PRKCB: variants seen among roughly 807,000 people sequenced by gnomAD.
PRKCB encodes protein kinase C beta.
PRKCB carries 13 observed loss-of-function variants against 81.5 expected under a neutral mutation model. That is an observed-to-expected ratio of 0.16 (90% CI 0.10 to 0.25). The LOEUF is 0.25. Among genes scored for constraint, PRKCB ranks in the 10% least tolerant of loss-of-function variants. The pLI is 1.00. For missense variants in PRKCB, 509 were observed against 875.7 expected (o/e 0.58, Z 5.29); for synonymous variants, 335 against 321.4 (o/e 1.04, Z -0.45).
intron 5 of PRKCB, among the ~76,000 whole-genome samples, chr16:24,076,452 G>C (rs1051808404): frequency 6.6e-6 from 1 of 152,090 alleles, no homozygotes; most frequent in Non-Finnish European, 1.5e-5. Context: ...TCAGCTTTTG[G>C]GGCCTGATAG....
intron 2 of PRKCB, among the ~76,000 whole-genome samples, chr16:23,935,412 C>T (rs898892156): frequency 2.0e-5 from 3 of 152,142 alleles, no homozygotes; most frequent in Non-Finnish European, 2.9e-5. Flanking sequence ...TAGGTTCTCT[C>T]CTGCCATCCC....
intron 12 of PRKCB, among the ~76,000 whole-genome samples, chr16:24,177,934 G>A (rs114500356): frequency 8.5e-5 from 13 of 152,090 alleles, no homozygotes; most frequent in Admixed American, 7.9e-4. Flanking sequence ...CATCGAGAAC[G>A]CTGATGGAAA....
intron 3 of PRKCB, among the ~76,000 whole-genome samples, chr16:24,021,351 CTTCCTCCT>C (rs1397240611): frequency 0.011 from 913 of 81,366 alleles, 192 homozygotes; most frequent in African/African-American, 0.035. Context: ...TCCTTCCTTC[CTTCCTCCT>C]TCCCTCCCTC....
chr16:23,909,237 C>T (rs1486725099), intron 2 of PRKCB, among the ~76,000 whole-genome samples: 1 of 152,112 alleles, frequency 6.6e-6, no homozygotes, highest in Non-Finnish European at 1.5e-5. Flanking sequence ...AACCAACACC[C>T]TCCTGCTTTT....
chr16:24,170,890 A>G (rs1967431453), intron 10 of PRKCB, among the ~76,000 whole-genome samples: 1 of 152,256 alleles, frequency 6.6e-6, no homozygotes. Flanking sequence ...ATAGCCCCTG[A>G]CTTGAAGAAG....
intron 2 of PRKCB, among the ~76,000 whole-genome samples, chr16:23,869,478 C>T (rs769535731): frequency 6.6e-6 from 1 of 152,160 alleles, no homozygotes; most frequent in Non-Finnish European, 1.5e-5. Context: ...GGAGCTTGAG[C>T]CAGGTCGAAC....
intron 9 of PRKCB, among the ~76,000 whole-genome samples, chr16:24,136,089 G>C (rs1165376492): frequency 6.7e-6 from 1 of 148,850 alleles, no homozygotes; most frequent in African/African-American, 2.5e-5. Flanking sequence ...AATTCTGATT[G>C]CAGCGTGTTT....
At chr16:23,860,441 G>A (rs139035056) in intron 2 of PRKCB, among the ~76,000 whole-genome samples, 63 of 152,296 alleles carry the variant, frequency 4.1e-4, no homozygotes, top group African/African-American at 1.3e-3. Flanking sequence ...GCAACTGGAA[G>A]TCATGAGAAG....
At chr16:24,052,228 A>T (rs551245022) in intron 5 of PRKCB, among the ~76,000 whole-genome samples, 1 of 152,354 alleles carries the variant, frequency 6.6e-6, no homozygotes, top group South Asian at 2.1e-4. Context: ...CATCAGAATC[A>T]TCTAGAGAGT....
chr16:24,005,218 T>G (rs1181133715), intron 3 of PRKCB, among the ~76,000 whole-genome samples: 7 of 105,892 alleles, frequency 6.6e-5, no homozygotes, highest in East Asian at 2.9e-4. Context: ...CATAATATAT[T>G]GCTAAATGAA....
chr16:23,900,584 C>T lies in PRKCB; in HGVS notation c.205+63178C>T, dbSNP rs1444657390. ...GTAGAGAGACATTCCGCATATGAAC[C>T]TTATACCCTTAGTAGCACCTCACAC... On this transcript the variant is annotated intron_variant, in intron 2 of 16. Transcript: ENST00000643927. 2.0e-5 allele frequency among the ~76,000 whole-genome samples: 3 copies of T among 150,000 alleles called. No homozygotes were observed. In the East Asian group the frequency reaches 6.0e-4, roughly 30 times the overall value.
chr16:23,910,815 C>T (rs9930889), intron 2 of PRKCB, among the ~76,000 whole-genome samples: 5,409 of 152,180 alleles, frequency 0.036, 166 homozygotes, highest in African/African-American at 0.075. Context: ...CATTAGCAGT[C>T]GCTCTCCATT....
At chr16:24,108,917 C>T (rs1305348737) in intron 7 of PRKCB, among the ~76,000 whole-genome samples, 4 of 150,960 alleles carry the variant, frequency 2.6e-5, no homozygotes, top group Non-Finnish European at 5.9e-5. Flanking sequence ...CCTCACTTCC[C>T]AGTAGGGGCG....
chr16:23,921,954 C>T (rs557879215), intron 2 of PRKCB, among the ~76,000 whole-genome samples: 1 of 152,114 alleles, frequency 6.6e-6, no homozygotes, highest in East Asian at 1.9e-4. Context: ...GTTCCAACAG[C>T]AAAGACTTAG....
chr16:23,919,694 A>G (rs1276276958), intron 2 of PRKCB, among the ~76,000 whole-genome samples: 1 of 152,164 alleles, frequency 6.6e-6, no homozygotes, highest in Admixed American at 6.5e-5. Context: ...CATGGCCACC[A>G]CCATTCTACT....
intron 5 of PRKCB, among the ~76,000 whole-genome samples, chr16:24,072,215 C>G (rs1257902011): frequency 6.6e-6 from 1 of 152,112 alleles, no homozygotes; most frequent in Non-Finnish European, 1.5e-5. Flanking sequence ...ACTGATTAAG[C>G]AGTGACTACC....
chr16:24,003,158 C>T (rs1466556957), intron 3 of PRKCB, among the ~76,000 whole-genome samples: 3 of 152,096 alleles, frequency 2.0e-5, no homozygotes, highest in African/African-American at 4.8e-5. Context: ...TTATACTTTC[C>T]CAACACCATG....
intron 9 of PRKCB, among the ~76,000 whole-genome samples, chr16:24,152,325 G>A (rs575989805): frequency 7.9e-5 from 12 of 152,170 alleles, no homozygotes; most frequent in South Asian, 4.2e-4. Flanking sequence ...GCAGGAAACC[G>A]CTCCCATGAT....
chr16:24,107,364 A>C (rs1213468777), intron 7 of PRKCB, among the ~76,000 whole-genome samples: 1 of 152,228 alleles, frequency 6.6e-6, no homozygotes, highest in Non-Finnish European at 1.5e-5. Flanking sequence ...CTATCCTTAT[A>C]GAAGGGTGAG....
Sources: gnomAD v4.1 joint callset for allele counts (sites outside exome capture counted in the v4.1 genomes callset) on GRCh38, gnomAD v4.1.1 for gene constraint, MANE v1.5 for transcripts, NCBI Gene and HGNC (gene_info 2026-07-23, HGNC 2026-07-21) for gene names.